Variants in ASCC1 observed in about 807,000 individuals in gnomAD.
The protein encoded by ASCC1 is ASC-1 complex subunit P50.
A neutral mutation model predicts 46.6 loss-of-function variants in ASCC1; 35 were observed. That is an observed-to-expected ratio of 0.75 (90% confidence interval 0.57 to 0.99). The LOEUF is 0.99. ASCC1 is among the 50% of genes least tolerant of loss of function. ASCC1 has a pLI of 0.00. For synonymous variants in ASCC1, 143 were observed against 146.6 expected, an observed-to-expected ratio of 0.98 and a Z score of 0.18; for missense variants, 376 against 428.7, an observed-to-expected ratio of 0.88 and a Z score of 1.09.
intron 5 of ASCC1, among the ~76,000 whole-genome samples, chr10:72,190,776 T>C (rs1854314183): frequency 2.0e-5 from 3 of 151,760 alleles, no homozygotes; most frequent in African/African-American, 7.3e-5. Context: ...GGAAGACAGA[T>C]CACGAGGTCA....
chr10:72,195,773 G>A (rs140881217), intron 5 of ASCC1, among the ~76,000 whole-genome samples: 8,353 of 151,242 alleles, frequency 0.055, 788 homozygotes, highest in African/African-American at 0.19. Context: ...TGCAGAGGTT[G>A]CAGTGAGCCA....
In ASCC1 at chr10:72,164,205, G is replaced by A. The variant is rs146252983; in HGVS notation, c.490-2531C>T. On this transcript the variant is annotated intron_variant, in intron 5 of 9. Coordinates refer to ENST00000672957, the MANE Select transcript of ASCC1 (RefSeq NM_001198800.3). ...TCCAATTCCTGACCTCAGGTGATCCGCCCATCTCAGCCTCCCAAAGTGCTG... is the reference window on the plus strand; with the variant it reads ...TCCAATTCCTGACCTCAGGTGATCCACCCATCTCAGCCTCCCAAAGTGCTG... 7.0e-3 allele frequency among the ~76,000 whole-genome samples: 1,071 copies of A among 151,950 alleles called. 22 individuals are homozygous for A. The highest frequency in any genetic ancestry group is 0.025 in the African/African-American group (1,027 of 41,420).
chr10:72,103,080 C>A, intron 9 of ASCC1: 1 of 362,118 alleles, frequency 2.8e-6, no homozygotes, highest in South Asian at 2.0e-5. Context: ...AACACATGTG[C>A]CAGGAATTAT....
At position 72,097,442 on chromosome 10, in the gene ASCC1, C is replaced by T. The variant is rs1450659660; in HGVS notation, c.966G>A (p.Glu322=). ...FDGRNILKLF[E]NFYFGSLKLN... ...GCTTTAGGGAGCCAAAGTAGAAGTT[C>T]TCAAACAACTGAAAAGGAAGAATAA... is the stretch of plus-strand genomic sequence containing the variant. Residue 322 remains glutamate, a synonymous_variant, in exon 10 of 10, where the codon GAG becomes GAA. Transcript: ENST00000672957. The T allele has an allele frequency of 6.3e-7, 1 of 1,593,850 alleles. No individual in the cohort carries two copies. Among genetic ancestry groups the T allele is most frequent in the South Asian group, 1.1e-5 (1 of 90,586 alleles).
chr10:72,138,955 T>C (rs1846617514), intron 7 of ASCC1, among the ~76,000 whole-genome samples: 1 of 152,180 alleles, frequency 6.6e-6, no homozygotes, highest in Non-Finnish European at 1.5e-5. Flanking sequence ...TAATGCCTAA[T>C]TGGCACATAA....
chr10:72,131,439 TACACACACACACACACACAC>T (rs71927487), intron 8 of ASCC1, among the ~76,000 whole-genome samples: 2 of 139,324 alleles, frequency 1.4e-5, no homozygotes, highest in Non-Finnish European at 3.1e-5. Context: ...AAAATAAAAA[TACACACACACACACACACAC>T]ACACACACAC....
chr10:72,099,618 C>T (rs893139437), intron 9 of ASCC1, among the ~76,000 whole-genome samples: 7 of 152,128 alleles, frequency 4.6e-5, no homozygotes, highest in African/African-American at 1.7e-4. Flanking sequence ...GTTGGGAGTT[C>T]GAGACCAGCC....
intron 5 of ASCC1, among the ~76,000 whole-genome samples, chr10:72,195,139 G>GTTTTTTTTTTTTTTTTTTTTT (rs142672810): frequency 6.6e-5 from 4 of 61,020 alleles, no homozygotes; most frequent in Non-Finnish European, 8.7e-5. Context: ...TTTTTGCTGT[G>GTTTTTTTTTTTTTTTTTTTTT]TTTTTTTTTT....
intron 9 of ASCC1, among the ~76,000 whole-genome samples, chr10:72,113,487 C>T (rs934570155): frequency 1.5e-4 from 23 of 152,250 alleles, no homozygotes; most frequent in African/African-American, 5.5e-4. Context: ...GGTTTCACCT[C>T]ACTGACAGCC....
chr10:72,165,200 C>T (rs549011293), intron 5 of ASCC1, among the ~76,000 whole-genome samples: 2 of 152,126 alleles, frequency 1.3e-5, no homozygotes, highest in African/African-American at 2.4e-5. Context: ...CTGCAACCTC[C>T]GCTTCCCAGG....
chr10:72,139,316 G>A (rs544005889), intron 7 of ASCC1, among the ~76,000 whole-genome samples: 14 of 151,700 alleles, frequency 9.2e-5, no homozygotes, highest in African/African-American at 1.4e-4. Flanking sequence ...GGGTTTCACC[G>A]TGTTAGCCAG....
intron 5 of ASCC1, among the ~76,000 whole-genome samples, chr10:72,176,145 A>G (rs1222297923): frequency 2.6e-5 from 4 of 152,336 alleles, no homozygotes; most frequent in Middle Eastern, 3.4e-3. Context: ...GAACTCTGAA[A>G]TATCTTTGGA....
At chr10:72,146,965 G>A (rs1279417078) in intron 7 of ASCC1, among the ~76,000 whole-genome samples, 2 of 151,446 alleles carry the variant, frequency 1.3e-5, no homozygotes, top group African/African-American at 4.9e-5. Context: ...TTAAAAACAG[G>A]GCCATGTGTT....
intron 6 of ASCC1, among the ~76,000 whole-genome samples, chr10:72,155,524 C>T (rs1007682992): frequency 2.6e-5 from 4 of 152,084 alleles, no homozygotes; most frequent in African/African-American, 9.7e-5. Context: ...TCAACTACAC[C>T]TAAGATCTGT....
At chr10:72,156,256 T>A (rs1848944229) in intron 6 of ASCC1, among the ~76,000 whole-genome samples, 1 of 152,238 alleles carries the variant, frequency 6.6e-6, no homozygotes, top group South Asian at 2.1e-4. Context: ...GTGATGTGCT[T>A]GATCCCCTTC....
Position 72,152,988 on chromosome 10 carries a change from A to G in ASCC1, c.627T>C (p.Asn209=), listed in dbSNP as rs147348349. Residue 209 remains asparagine (N), a splice_region_variant and synonymous_variant, in exon 7 of 10, where the codon AAT becomes AAC. Transcript: ENST00000672957. ...MLQQCKEEFI[N]DISGGKPLEV... ...CTAGGGGTTTACCCCCAGAAATATC[A>G]CTGCAAAGGAAAAAGCATTAAGATA... is the stretch of plus-strand genomic sequence containing the variant. The G allele has an allele frequency of 2.3e-5, 37 of 1,614,058 alleles. 1 individual carries two copies. The African/African-American group carries it at 3.7e-4, about 16-fold the overall frequency.
chr10:72,195,403 C>A (rs1321523720), intron 5 of ASCC1, among the ~76,000 whole-genome samples: 1 of 151,786 alleles, frequency 6.6e-6, no homozygotes, highest in Non-Finnish European at 1.5e-5. Context: ...CCTGCCTCAG[C>A]CCTCCACAAA....
intron 9 of ASCC1, among the ~76,000 whole-genome samples, chr10:72,105,954 T>G (rs1050516013): frequency 2.6e-5 from 4 of 152,078 alleles, no homozygotes; most frequent in Non-Finnish European, 4.4e-5. Context: ...CCTTTTCTTA[T>G]ATCTGTGACC....
At chr10:72,209,061 G>T (rs1589651812) in intron 3 of ASCC1, among the ~76,000 whole-genome samples, 1 of 151,626 alleles carries the variant, frequency 6.6e-6, no homozygotes, top group African/African-American at 2.4e-5. Flanking sequence ...GCTATTTGGG[G>T]GGTTTAAGTG....
Sources: gnomAD v4.1 joint callset for allele counts (sites outside exome capture counted in the v4.1 genomes callset) on GRCh38, gnomAD v4.1.1 for gene constraint, MANE v1.5 for transcripts, NCBI Gene and HGNC (gene_info 2026-07-23, HGNC 2026-07-21) for gene names.